The following ANKFY1 variants were observed in gnomAD, a reference collection of about 807,000 sequenced individuals.
ANKFY1 encodes the protein ankyrin repeat and FYVE domain-containing protein 1.
In ANKFY1, 47 loss-of-function variants were observed where a neutral mutation model predicts 128.3. The observed-to-expected ratio is 0.37, with a 90% CI of 0.29 to 0.47. The LOEUF (loss-of-function observed/expected upper bound fraction) is 0.47, where lower values mean the gene tolerates loss of function less well. Ranked by LOEUF, ANKFY1 falls within the 20% of genes least tolerant of loss-of-function variation. ANKFY1 has a pLI of 1.00. For synonymous variants in ANKFY1, 553 were observed against 601.6 expected, an observed-to-expected ratio of 0.92 and a Z score of 1.18; for missense variants, 1,222 against 1,510.6, an observed-to-expected ratio of 0.81 and a Z score of 3.17.
chr17:4,216,533 G>A, intron 4 of ANKFY1: 1 of 222,292 alleles, frequency 4.5e-6, no homozygotes, highest in Non-Finnish European at 9.3e-6. Context: ...GAGATCTCTG[G>A]AACACTGGCT....
At position 4,169,805 on chromosome 17, in the gene ANKFY1, T is replaced by A. The variant is rs1224953668; in HGVS notation, c.3287-517A>T. On this transcript the variant is annotated intron_variant, in intron 23 of 24. Coordinates refer to ENST00000341657, the MANE Select transcript of ANKFY1 (RefSeq NM_001330063.2). This position sits in a 1 kb window ranked among gnomAD's most constrained non-coding sequence, Gnocchi z 5.0. ...GGCAGAGCAACCTATGAGAAAGAAC[T>A]AAGTTTTCACATCTAGTTTGGGAGT... 6.6e-6 allele frequency among the ~76,000 whole-genome samples: 1 copy of A among 152,138 alleles called. No homozygotes were observed. The highest frequency in any genetic ancestry group is 1.5e-5 in the Non-Finnish European group (1 of 68,012).
In ANKFY1 at chr17:4,169,119, G is replaced by T; in HGVS notation, c.3377+79C>A. On this transcript the variant is annotated intron_variant, in intron 24 of 24. Transcript: ENST00000341657. This position sits in a 1 kb window ranked among gnomAD's most constrained non-coding sequence, Gnocchi z 5.0. Reference sequence around the variant, plus strand: ...ATGTGCAGGACCCAGGCAAGTTCACGGCCTGTCCTGGAGAAGGGGGGAAGC... The same window carrying T: ...ATGTGCAGGACCCAGGCAAGTTCACTGCCTGTCCTGGAGAAGGGGGGAAGC... 2 of 1,372,788 alleles carry T rather than the reference G, an allele frequency of 1.5e-6. No individual in the cohort carries two copies. Among genetic ancestry groups the T allele is most frequent in the South Asian group, 1.3e-5 (1 of 79,116 alleles). The allele number at this position is 1,372,788 out of a possible 1,614,324, so 85.0% of individuals were successfully genotyped here.
At chr17:4,217,164 G>A (rs1382849975) in intron 3 of ANKFY1, 46 bp from the exon 4 acceptor site, 3 of 1,592,752 alleles carry the variant, frequency 1.9e-6, no homozygotes, top group African/African-American at 1.3e-5. Context: ...AGAATGACAT[G>A]CTTAGACTTT....
At chr17:4,222,325 C>A (rs1381114988) in intron 3 of ANKFY1, 4 of 739,880 alleles carry the variant, frequency 5.4e-6, no homozygotes, top group Admixed American at 1.8e-5. Context: ...TGATGCAGAA[C>A]TTTATTATGT....
At chr17:4,185,685 T>G (rs2059598376) in intron 11 of ANKFY1, among the ~76,000 whole-genome samples, 1 of 152,228 alleles carries the variant, frequency 6.6e-6, no homozygotes, top group South Asian at 2.1e-4. Context: ...AGCACTGGCT[T>G]CTTGACTTCA....
At chr17:4,229,549 T>C (rs923219558) in intron 3 of ANKFY1, among the ~76,000 whole-genome samples, 1 of 151,782 alleles carries the variant, frequency 6.6e-6, no homozygotes, top group East Asian at 1.9e-4. Flanking sequence ...TAAATATAAA[T>C]AAAAATTAAA....
At position 4,251,846 on chromosome 17, in the gene ANKFY1, C is replaced by T. The variant is rs1035147887; in HGVS notation, c.11-9398G>A. 2.0e-5 allele frequency among the ~76,000 whole-genome samples: 3 copies of T among 151,962 alleles called. No individual in the cohort carries two copies. In the South Asian group the frequency reaches 6.2e-4, roughly 32 times the overall value. ...GGTCAGGAGTTTGAGACCAGCCTGGCCAACATGGCAAAACCCCGTCTCTAC... is the reference window on the plus strand; with the variant it reads ...GGTCAGGAGTTTGAGACCAGCCTGGTCAACATGGCAAAACCCCGTCTCTAC... On this transcript the variant is annotated intron_variant, in intron 1 of 24. Coordinates refer to ENST00000341657, the MANE Select transcript of ANKFY1 (RefSeq NM_001330063.2).
At chr17:4,180,760 C>CAAAAAAAAAAAAAAA (rs11392631) in intron 16 of ANKFY1, among the ~76,000 whole-genome samples, 1 of 58,024 alleles carries the variant, frequency 1.7e-5, no homozygotes, top group Non-Finnish European at 3.4e-5. Context: ...GACTCTGTCT[C>CAAAAAAAAAAAAAAA]AAAAAAAAAA....
chr17:4,217,811 G>A (rs562915080), intron 3 of ANKFY1, among the ~76,000 whole-genome samples: 32 of 151,898 alleles, frequency 2.1e-4, no homozygotes, highest in African/African-American at 6.5e-4. Flanking sequence ...TCAGCCTCCC[G>A]AGTAGCTGGG....
chr17:4,169,483 G>A lies in ANKFY1; in HGVS notation c.3287-195C>T, dbSNP rs771207846. ...GAGACTGGAGAATCAGCCCTTGCCC[G>A]GGAGACTTGGGGAGAAGGAAACGGT... On this transcript the variant is annotated intron_variant, in intron 23 of 24. Coordinates refer to ENST00000341657, the MANE Select transcript of ANKFY1 (RefSeq NM_001330063.2). This position sits in a 1 kb window ranked among gnomAD's most constrained non-coding sequence, Gnocchi z 5.0. Among the ~76,000 whole-genome samples the A allele has an allele frequency of 7.2e-5, 11 of 152,182 alleles. No homozygotes were observed. Among genetic ancestry groups the A allele is most frequent in the South Asian group, 2.1e-4 (1 of 4,832 alleles).
intron 1 of ANKFY1, among the ~76,000 whole-genome samples, chr17:4,254,874 TA>T (rs1170714825): frequency 4.6e-5 from 7 of 152,262 alleles, no homozygotes; most frequent in African/African-American, 1.7e-4. Context: ...ATTCTAACTA[TA>T]TTGAAAAAGT....
intron 1 of ANKFY1, chr17:4,263,640 C>A (rs1269536846): frequency 6.5e-7 from 1 of 1,534,800 alleles, no homozygotes; most frequent in African/African-American, 1.4e-5. Context: ...GCCTCCCGTG[C>A]TGCCCTCGGG....
intron 1 of ANKFY1, among the ~76,000 whole-genome samples, chr17:4,257,187 C>T (rs1457395371): frequency 6.6e-6 from 1 of 152,184 alleles, no homozygotes; most frequent in African/African-American, 2.4e-5. Flanking sequence ...TTCAAAAGTC[C>T]TGTCTTTCAT....
chr17:4,245,171 C>T (rs1235945297), intron 1 of ANKFY1, among the ~76,000 whole-genome samples: 1 of 152,126 alleles, frequency 6.6e-6, no homozygotes, highest in African/African-American at 2.4e-5. Context: ...TGCTTCCCTG[C>T]ATCCTTTCCC....
At chr17:4,212,945 A>ATT (rs962945433) in intron 4 of ANKFY1, among the ~76,000 whole-genome samples, 1 of 144,336 alleles carries the variant, frequency 6.9e-6, no homozygotes, top group East Asian at 2.0e-4. Flanking sequence ...TAATTTTTGT[A>ATT]TTTTTTTTTT....
intron 7 of ANKFY1, among the ~76,000 whole-genome samples, chr17:4,203,850 A>G (rs57208420): frequency 0.023 from 3,432 of 149,274 alleles, 166 homozygotes; most frequent in African/African-American, 0.08. Flanking sequence ...AAAAAGAAAG[A>G]AAGAAAGAAA....
chr17:4,211,441 C>G (rs2060129031), intron 4 of ANKFY1, among the ~76,000 whole-genome samples: 1 of 151,544 alleles, frequency 6.6e-6, no homozygotes, highest in Non-Finnish European at 1.5e-5. Context: ...ATAGTACACC[C>G]CCCACACCAA....
chr17:4,198,589 C>T (rs181984871), intron 7 of ANKFY1, among the ~76,000 whole-genome samples: 79 of 152,200 alleles, frequency 5.2e-4, no homozygotes, highest in African/African-American at 1.8e-3. Flanking sequence ...ACAGGCTGGT[C>T]TCAAACTCCT....
chr17:4,187,013 T>G, intron 11 of ANKFY1: 1 of 1,224,120 alleles, frequency 8.2e-7, no homozygotes, highest in Non-Finnish European at 1.0e-6. Context: ...TTTAAATTCG[T>G]ATTTCAGTGT....
Sources: gnomAD v4.1 joint callset for allele counts (sites outside exome capture counted in the v4.1 genomes callset) on GRCh38, gnomAD v4.1.1 for gene constraint, Gnocchi (gnomAD v3.1) non-coding constraint, MANE v1.5 for transcripts, NCBI Gene and HGNC (gene_info 2026-07-23, HGNC 2026-07-21) for gene names.